The following SRSF11 variants were observed in gnomAD, a reference collection of about 807,000 sequenced individuals.
SRSF11 encodes the protein serine and arginine rich splicing factor 11, also known as serine/arginine-rich splicing factor 11.
SRSF11 carries 9 observed loss-of-function variants against 56.0 expected under a neutral mutation model. That is an observed-to-expected ratio of 0.16 (90% CI 0.10 to 0.28). The LOEUF is 0.28. SRSF11 is among the 10% of genes least tolerant of loss of function. The pLI is 1.00. For synonymous variants in SRSF11, 222 were observed against 215.3 expected, an observed-to-expected ratio of 1.03 and a Z score of -0.27; for missense variants, 421 against 600.7, an observed-to-expected ratio of 0.70 and a Z score of 3.13.
intron 1 of SRSF11, among the ~76,000 whole-genome samples, chr1:70,209,736 G>C (rs1669370045): frequency 1.3e-5 from 1 of 76,252 alleles, no homozygotes; most frequent in Admixed American, 1.6e-4. Context: ...AAAGCACCTC[G>C]CTTCTTTTTT....
intron 2 of SRSF11, chr1:70,229,178 C>T (rs1033937321): frequency 7.8e-6 from 10 of 1,282,320 alleles, no homozygotes; most frequent in Middle Eastern, 2.1e-4. Flanking sequence ...ATAAATTCTT[C>T]TCTCTGTTAT....
rs1676463602 is a variant in SRSF11, at chr1:70,245,165, TGCC to T, written c.932+351_932+353del. Among the ~76,000 whole-genome samples, 7 of 152,340 alleles carry T rather than the reference TGCC, an allele frequency of 4.6e-5. No homozygotes were observed. In the East Asian group the frequency reaches 1.3e-3, roughly 29 times the overall value. Reference sequence around the variant, plus strand: ...AGAACCAAACACTTTTAAATTAGTATGCCCCCAGTCATTTATAGTTGTGAGGCA... The same window carrying T: ...AGAACCAAACACTTTTAAATTAGTATCCCAGTCATTTATAGTTGTGAGGCA... On this transcript the variant is annotated intron_variant, in intron 8 of 11. Coordinates refer to ENST00000370949, the MANE Select transcript of SRSF11 (RefSeq NM_001350605.2).
chr1:70,231,930 A>T (rs1298297100), intron 2 of SRSF11: 1 of 1,530,622 alleles, frequency 6.5e-7, no homozygotes, highest in Non-Finnish European at 8.7e-7. Context: ...TGGAGAACCG[A>T]CTGTGCTTGC....
rs1285285761 is a variant in SRSF11, at chr1:70,221,394, A to C, written c.-243A>C. On this transcript the variant is annotated 5_prime_UTR_variant, in exon 1 of 12. Transcript: ENST00000370949. Reference sequence around the variant, plus strand: ...TCGGGCCCGCTAGTGTCGTGGTTGGAGGCGAGGTGGGGCGGCCGTTTGTTT... The same window carrying C: ...TCGGGCCCGCTAGTGTCGTGGTTGGCGGCGAGGTGGGGCGGCCGTTTGTTT... 5.7e-6 allele frequency: 3 copies of C among 525,922 alleles called. No individual in the cohort carries two copies. The highest frequency in any genetic ancestry group is 1.0e-5 in the Non-Finnish European group (3 of 301,430). The allele number at this position is 525,922 out of a possible 1,614,324, so 32.6% of individuals were successfully genotyped here.
At chr1:70,240,797 C>T (rs1303175763) in intron 7 of SRSF11, among the ~76,000 whole-genome samples, 2 of 127,960 alleles carry the variant, frequency 1.6e-5, no homozygotes, top group Non-Finnish European at 1.6e-5. Context: ...TTTTTTGAGA[C>T]GGAGTCTCAC....
rs1677937451 is a variant in SRSF11, at chr1:70,251,462, CTG to C, written c.*659_*660del. 1 of 152,500 alleles carries C rather than the reference CTG, an allele frequency of 6.6e-6. No homozygotes were observed. The highest frequency in any genetic ancestry group is 6.5e-5 in the Admixed American group (1 of 15,274). 9.4% of individuals were successfully genotyped at this position (152,500 alleles called of 1,614,324 possible). ...TACAGAAACAAGATTTCAAATAAAA[CTG>C]TCTTTGGCAGTGAGTAAATAGCATA... On this transcript the variant is annotated 3_prime_UTR_variant, in exon 12 of 12. Coordinates refer to ENST00000370949, the MANE Select transcript of SRSF11 (RefSeq NM_001350605.2).
intron 2 of SRSF11, chr1:70,230,094 T>A: frequency 1.0e-6 from 1 of 984,588 alleles, no homozygotes; most frequent in South Asian, 4.7e-5. Context: ...TAAATTTAAA[T>A]TTTTTATTGG....
chr1:70,241,291 A>G (rs1361850309), intron 7 of SRSF11, among the ~76,000 whole-genome samples: 1 of 152,208 alleles, frequency 6.6e-6, no homozygotes, highest in Admixed American at 6.6e-5. Flanking sequence ...ATATCATAAA[A>G]TATCTAAAAA....
At chr1:70,248,098 A>T (rs1201594929) in intron 9 of SRSF11, among the ~76,000 whole-genome samples, 2 of 152,146 alleles carry the variant, frequency 1.3e-5, no homozygotes, top group Admixed American at 6.5e-5. Flanking sequence ...AAACTGGTAC[A>T]GGTGTTTTAG....
At chr1:70,235,141 C>A (rs1026393861) in intron 4 of SRSF11, among the ~76,000 whole-genome samples, 3 of 151,738 alleles carry the variant, frequency 2.0e-5, no homozygotes, top group African/African-American at 7.3e-5. Flanking sequence ...TTCTGAAGTT[C>A]TTTGTAGAGG....
intron 1 of SRSF11, among the ~76,000 whole-genome samples, chr1:70,223,115 G>A (rs1272706570): frequency 6.6e-6 from 1 of 152,136 alleles, no homozygotes; most frequent in Admixed American, 6.5e-5. Context: ...TAGATGCTTT[G>A]CTGTTGTTCA....
chr1:70,231,178 TTTCTC>T (rs1285054778), intron 2 of SRSF11: 1 of 1,287,258 alleles, frequency 7.8e-7, no homozygotes, highest in African/African-American at 1.5e-5. Context: ...GCTTATCCAG[TTTCTC>T]TTAAGTGCCC....
At position 70,250,215 on chromosome 1, in the gene SRSF11, CCT is replaced by C; in HGVS notation, c.1119-149_1119-148del. The C allele has an allele frequency of 2.2e-6, 3 of 1,352,450 alleles. No individual in the cohort carries two copies. In the South Asian group the frequency reaches 4.3e-5, roughly 19 times the overall value. 83.8% of individuals were successfully genotyped at this position (1,352,450 alleles called of 1,614,324 possible). ...ACCATTAAGGACTGAACATTTTAGT[CCT>C]ATAAACAAGTTAGTTTTGTAGCCTG... is the stretch of plus-strand genomic sequence containing the variant. On this transcript the variant is annotated intron_variant, in intron 10 of 11. Coordinates refer to ENST00000370949, the MANE Select transcript of SRSF11 (RefSeq NM_001350605.2).
chr1:70,246,281 T>TA (rs1676742617), intron 8 of SRSF11, among the ~76,000 whole-genome samples: 1 of 152,086 alleles, frequency 6.6e-6, no homozygotes, highest in East Asian at 1.9e-4. Flanking sequence ...AAAATTGAGT[T>TA]ACGGCTGTAG....
rs1470606930 is a variant in SRSF11 at position 70,240,814 on chromosome 1, T to G, written c.800+1294T>G. ...TTTTGAGACGGAGTCTCACTCTTGT[T>G]GCCCAGCCTGGAGTGCAATGGCACG... On this transcript the variant is annotated intron_variant, in intron 7 of 11. Transcript: ENST00000370949. Among the ~76,000 whole-genome samples, 3 of 151,252 alleles carry G rather than the reference T, an allele frequency of 2.0e-5. No homozygotes were observed. The East Asian group carries it at 5.9e-4, about 30-fold the overall frequency.
At chr1:70,219,895 G>A (rs952851574), upstream of SRSF11, among the ~76,000 whole-genome samples, 7 of 152,178 alleles carry the variant, frequency 4.6e-5, no homozygotes, top group African/African-American at 1.7e-4. Context: ...ACTGCATTGT[G>A]CCAAGAGGTA....
chr1:70,214,984 C>T (rs745497080), intron 1 of SRSF11, among the ~76,000 whole-genome samples: 15 of 150,992 alleles, frequency 9.9e-5, no homozygotes, highest in African/African-American at 3.4e-4. Context: ...CTGCAGCCTC[C>T]GCCTCCTGGG....
intron 1 of SRSF11, 127 bp downstream of exon 1, chr1:70,221,966 G>GCTGGTGT (rs1553223895): frequency 1.4e-6 from 2 of 1,455,000 alleles, no homozygotes; most frequent in Non-Finnish European, 1.8e-6. Flanking sequence ...GTGGCTGGTG[G>GCTGGTGT]ATTTACTTAA....
rs748199564 is a variant in SRSF11 at position 70,221,789 on chromosome 1, T to A, written c.153T>A (p.Thr51=). 1 of 1,614,096 alleles carries A rather than the reference T, an allele frequency of 6.2e-7. No individual in the cohort carries two copies. The highest frequency in any genetic ancestry group is 2.2e-5 in the East Asian group (1 of 44,872). ...GCGCTAGCTCTGAGCAGATGCGGACTCTCTTCGGTTTCCTAGGCAAGATCG... is the reference window on the plus strand; with the variant it reads ...GCGCTAGCTCTGAGCAGATGCGGACACTCTTCGGTTTCCTAGGCAAGATCG... The part of the protein sequence containing the change: ...SPSASSEQMR[T]LFGFLGKIDE... The change falls in exon 1 of 12, where the codon ACT becomes ACA. Residue 51 remains threonine (T), a synonymous_variant. Transcript: ENST00000370949.
Sources: allele counts gnomAD v4.1 joint callset (sites outside exome capture counted in the v4.1 genomes callset), GRCh38; gene constraint gnomAD v4.1.1; transcripts MANE v1.5; gene names NCBI Gene and HGNC (gene_info 2026-07-23, HGNC 2026-07-21).